Variants in ITPKC observed in about 807,000 individuals in gnomAD.
The protein encoded by ITPKC is IP3 3-kinase C.
ITPKC carries 33 observed loss-of-function variants against 67.1 expected under a neutral mutation model. That is an observed-to-expected ratio of 0.49 (90% confidence interval 0.37 to 0.66). The LOEUF (loss-of-function observed/expected upper bound fraction) is 0.66, where lower values mean the gene tolerates loss of function less well. Ranked by LOEUF, ITPKC falls within the 30% of genes least tolerant of loss-of-function variation. ITPKC has a pLI of 0.00. For missense variants in ITPKC, 820 were observed against 892.1 expected, an observed-to-expected ratio of 0.92 and a Z score of 1.03; for synonymous variants, 341 against 359.8, an observed-to-expected ratio of 0.95 and a Z score of 0.59.
At chr19:40,732,197 G>A (rs1024110335) in intron 3 of ITPKC, among the ~76,000 whole-genome samples, 18 of 133,488 alleles carry the variant, frequency 1.3e-4, no homozygotes, top group Non-Finnish European at 1.2e-4. Flanking sequence ...CCAAGATCAC[G>A]CCACTGTACT....
At chr19:40,733,046 C>T in intron 3 of ITPKC, 114 bp from the exon 4 acceptor site, 3 of 802,432 alleles carry the variant, frequency 3.7e-6, no homozygotes, top group Admixed American at 2.2e-5. Flanking sequence ...GTATTCTGTG[C>T]ATTGATTTGC....
At chr19:40,736,429 G>T (rs981532981) in intron 4 of ITPKC, among the ~76,000 whole-genome samples, 1 of 152,140 alleles carries the variant, frequency 6.6e-6, no homozygotes. Flanking sequence ...GTGACCTGGG[G>T]CTGGGTTGAG....
rs775347709 is a variant in ITPKC, at chr19:40,718,078, C to T, written c.943C>T (p.Leu315=). 3 of 1,613,900 alleles carry T rather than the reference C, an allele frequency of 1.9e-6. No homozygotes were observed. The highest frequency in any genetic ancestry group is 2.5e-6 in the Non-Finnish European group (3 of 1,180,018). ...AGAGCCTGGAGAATTGCTGACTCAC[C>T]TGTACTCTCACCTGAAGTGTAGCCC... ...EPEPGELLTH[L]YSHLKCSPLC... is the part of the protein sequence containing the mutation. Residue 315 remains leucine, a synonymous_variant, in exon 1 of 7, where the codon CTG becomes TTG. Transcript: ENST00000263370.
At chr19:40,738,740 T>C (rs2082307155) in intron 6 of ITPKC, among the ~76,000 whole-genome samples, 1 of 152,184 alleles carries the variant, frequency 6.6e-6, no homozygotes, top group African/African-American at 2.4e-5. Context: ...TGTAGATTAA[T>C]TCCTACATAT....
chr19:40,728,268 C>G (rs1054701121), intron 2 of ITPKC, among the ~76,000 whole-genome samples: 3 of 151,686 alleles, frequency 2.0e-5, no homozygotes, highest in African/African-American at 7.3e-5. Context: ...ACCTGTAGTC[C>G]TAGCTACTCT....
chr19:40,717,888 A>G lies in ITPKC; in HGVS notation c.753A>G (p.Lys251=). The change falls in exon 1 of 7, where the codon AAA becomes AAG. Residue 251 remains lysine (K), a synonymous_variant. Coordinates refer to ENST00000263370, the MANE Select transcript of ITPKC (RefSeq NM_025194.3). The stretch of plus-strand genomic sequence containing the variant: ...AGCCATATACTGATGGCTCCCAGAA[A>G]AAACAGGATACTGAAGCAGCCAGGA... ...WTEPYTDGSQ[K]KQDTEAARKQ... The G allele has an allele frequency of 6.2e-7, 1 of 1,614,172 alleles. No individual in the cohort carries two copies. The highest frequency in any genetic ancestry group is 1.3e-5 in the African/African-American group (1 of 75,026).
At chr19:40,737,821 C>T in intron 6 of ITPKC, 52 bp downstream of exon 6, 1 of 1,447,664 alleles carries the variant, frequency 6.9e-7, no homozygotes. Flanking sequence ...GGTCCAGGTG[C>T]ATGGAGGGGA....
rs773439482 is a variant in ITPKC, at chr19:40,717,581, C to T, written c.446C>T (p.Pro149Leu). The T allele has an allele frequency of 6.2e-6, 10 of 1,614,116 alleles. No homozygotes were observed. In the South Asian group the frequency reaches 9.9e-5, roughly 16 times the overall value. ...GGGACAGATGGCCTTTGGACTGATC[C>T]GCACAGGTCCGACCTCCAGTTTCAG... is the stretch of plus-strand genomic sequence containing the variant. Reference protein sequence around the residue: ...ETGTDGLWTDPHRSDLQFQPE... With the variant: ...ETGTDGLWTDLHRSDLQFQPE... Residue 149 changes from proline (P) to leucine (L), a missense_variant, in exon 1 of 7, where the codon CCG (proline) becomes CTG (leucine). This residue lies in a region of ITPKC where 481 missense variants were observed against 470.1 expected (regional missense o/e 1.02). Transcript: ENST00000263370.
At chr19:40,731,898 T>C (rs2082272860) in intron 3 of ITPKC, among the ~76,000 whole-genome samples, 1 of 151,950 alleles carries the variant, frequency 6.6e-6, no homozygotes, top group South Asian at 2.1e-4. Flanking sequence ...TCAGAGATTT[T>C]GGTTTCTTGA....
intron 1 of ITPKC, among the ~76,000 whole-genome samples, chr19:40,720,326 C>T (rs969557163): frequency 2.6e-5 from 4 of 151,116 alleles, no homozygotes; most frequent in African/African-American, 4.9e-5. Flanking sequence ...GAGATTGCAC[C>T]ACTGCACTCC....
intron 1 of ITPKC, among the ~76,000 whole-genome samples, chr19:40,723,003 C>G (rs1355558820): frequency 6.6e-6 from 1 of 152,050 alleles, no homozygotes; most frequent in Non-Finnish European, 1.5e-5. Flanking sequence ...GCTTTCTCGC[C>G]CAGGCTGGAG....
At position 40,729,066 on chromosome 19, in the gene ITPKC, A is replaced by T. The variant is rs1260833940; in HGVS notation, c.1256-136A>T. On this transcript the variant is annotated intron_variant, in intron 2 of 6. Transcript: ENST00000263370. ...AAAATCTTAAAATCATTAAAAAAAA[A>T]GTTGCAGGGAGAGAAAGCATTGCAG... The T allele has an allele frequency of 4.7e-6, 3 of 641,172 alleles. No individual in the cohort carries two copies. The South Asian group carries it at 5.7e-5, about 12-fold the overall frequency. The allele number at this position is 641,172 out of a possible 1,614,324, so 39.7% of individuals were successfully genotyped here. A position where few individuals can be genotyped will look rare whatever the true frequency, so the allele number is the denominator to read the frequency against.
rs757965833 is a variant in ITPKC, at chr19:40,725,346, C to A, written c.1162C>A (p.Pro388Thr). 6.8e-6 allele frequency: 11 copies of A among 1,612,644 alleles called. No individual in the cohort carries two copies. In the African/African-American group the frequency reaches 1.5e-4, roughly 22 times the overall value. The change falls in exon 2 of 7, where the codon CCC (proline) becomes ACC (threonine). Residue 388 changes from proline (P) to threonine (T), a missense_variant. This residue lies in a region of ITPKC where 339 missense variants were observed against 422.0 expected (regional missense o/e 0.80). Transcript: ENST00000263370. The stretch of plus-strand genomic sequence containing the variant: ...CCTGCTCTGCTCCCTACAGAGCAAA[C>A]CCTGGAAGAAGCTGAAGACAGTTCT... ...SDPEDRSGSK[P>T]WKKLKTVLKY... is the part of the protein sequence containing the mutation.
chr19:40,718,136 C>A lies in ITPKC; in HGVS notation c.1001C>A (p.Pro334His). 1 of 1,608,076 alleles carries A rather than the reference C, an allele frequency of 6.2e-7. No homozygotes were observed. The highest frequency in any genetic ancestry group is 8.5e-7 in the Non-Finnish European group (1 of 1,177,900). Residue 334 changes from proline to histidine, a missense_variant, in exon 1 of 7, where the codon CCT (proline) becomes CAT (histidine). This residue lies in a region of ITPKC where 481 missense variants were observed against 470.1 expected (regional missense o/e 1.02). Coordinates refer to ENST00000263370, the MANE Select transcript of ITPKC (RefSeq NM_025194.3). ...CCTGTGCCCCGCCTCATCATTACCC[C>A]TGAGACCCCTGAGCCTGAGGCCCAG... Reference protein sequence around the residue: ...LCPVPRLIITPETPEPEAQPV... With the variant: ...LCPVPRLIITHETPEPEAQPV...
Position 40,717,847 on chromosome 19 carries a change from G to C in ITPKC, c.712G>C (p.Glu238Gln), listed in dbSNP as rs2082198614. 1 of 1,613,964 alleles carries C rather than the reference G, an allele frequency of 6.2e-7. No individual in the cohort carries two copies. Among genetic ancestry groups the C allele is most frequent in the Non-Finnish European group, 8.5e-7 (1 of 1,180,018 alleles). The change falls in exon 1 of 7, where the codon GAA becomes CAA. Residue 238 changes from glutamate (E) to glutamine (Q), a missense_variant. Glu to Gln is a conservative substitution (Grantham distance 29). Transcript: ENST00000263370. ...TGGCTCCAGGACACAACAGGATATT[G>C]AAGGTCCCTGGACAGAGCCATATAC... The part of the protein sequence containing the change: ...TDGSRTQQDI[E>Q]GPWTEPYTDG...
chr19:40,725,022 A>G (rs2082239783), intron 1 of ITPKC, among the ~76,000 whole-genome samples: 1 of 152,162 alleles, frequency 6.6e-6, no homozygotes, highest in Non-Finnish European at 1.5e-5. Flanking sequence ...TTAAACCACA[A>G]CAAAACCTAG....
At chr19:40,735,318 C>A (rs1291675826) in intron 4 of ITPKC, among the ~76,000 whole-genome samples, 1 of 152,032 alleles carries the variant, frequency 6.6e-6, no homozygotes, top group African/African-American at 2.4e-5. Flanking sequence ...GCCTCTGCAC[C>A]CCTCTGCCAG....
In ITPKC at chr19:40,718,430, ACCT is replaced by A. The variant is rs2082203983; in HGVS notation, c.1155+146_1155+148del. 4 of 1,086,328 alleles carry A rather than the reference ACCT, an allele frequency of 3.7e-6. No homozygotes were observed. The Admixed American group carries it at 1.3e-4, about 34-fold the overall frequency. 67.3% of individuals were successfully genotyped at this position (1,086,328 alleles called of 1,614,324 possible). The stretch of plus-strand genomic sequence containing the variant: ...CTCCGGGAACCTCTTCCATCCACTG[ACCT>A]CCTCCCTCTGACAGCCAGGTTACTA... On this transcript the variant is annotated intron_variant, in intron 1 of 6. Coordinates refer to ENST00000263370, the MANE Select transcript of ITPKC (RefSeq NM_025194.3).
chr19:40,733,464 G>A (rs2082281223), intron 4 of ITPKC, 100 bp downstream of exon 4: 9 of 1,141,762 alleles, frequency 7.9e-6, no homozygotes, highest in Non-Finnish European at 1.1e-5. Flanking sequence ...AGGAGACGGC[G>A]TGGGATGAAA....
Sources: gnomAD v4.1 joint callset for allele counts (sites outside exome capture counted in the v4.1 genomes callset) on GRCh38, gnomAD v4.1.1 for gene constraint, gnomAD v4.1.1 regional missense constraint, MANE v1.5 for transcripts, NCBI Gene and HGNC (gene_info 2026-07-23, HGNC 2026-07-21) for gene names.